The following AFF3 variants were observed in gnomAD, a reference collection of about 807,000 sequenced individuals.
AFF3 encodes AF4/FMR2 family member 3.
Under a neutral mutation model 129.7 loss-of-function variants are expected in AFF3, and 32 were observed. The observed-to-expected ratio is 0.25, with a 90% CI of 0.19 to 0.33. The LOEUF (loss-of-function observed/expected upper bound fraction) is 0.33. Ranked by LOEUF, AFF3 falls within the 10% of genes least tolerant of loss-of-function variation. The pLI, the probability that AFF3 is intolerant of heterozygous loss-of-function variation, is 1.00. For missense variants in AFF3, 1,373 were observed against 1,592.0 expected, an observed-to-expected ratio of 0.86 and a Z score of 2.34; for synonymous variants, 644 against 635.4, an observed-to-expected ratio of 1.01 and a Z score of -0.20.
intron 4 of AFF3, among the ~76,000 whole-genome samples, chr2:100,064,730 C>G (rs151074844): frequency 6.6e-6 from 1 of 152,224 alleles, no homozygotes; most frequent in African/African-American, 2.4e-5. Flanking sequence ...AAAAATACAT[C>G]GTCATGCAGC....
At chr2:99,762,226 G>A (rs1029551953) in intron 8 of AFF3, among the ~76,000 whole-genome samples, 16 of 150,956 alleles carry the variant, frequency 1.1e-4, no homozygotes, top group African/African-American at 3.4e-4. Context: ...CCCTGTTCAA[G>A]CGATTCTCCC....
At chr2:100,141,481 G>A (rs1039350029) in intron 1 of AFF3, among the ~76,000 whole-genome samples, 1 of 152,200 alleles carries the variant, frequency 6.6e-6, no homozygotes, top group Non-Finnish European at 1.5e-5. Context: ...AGGAACACAT[G>A]CTTTTAATAA....
At chr2:99,791,532 A>C (rs1415377169) in intron 8 of AFF3, among the ~76,000 whole-genome samples, 1 of 152,204 alleles carries the variant, frequency 6.6e-6, no homozygotes, top group Non-Finnish European at 1.5e-5. Context: ...TTAACCTGTG[A>C]ATGTGGAACC....
chr2:99,607,216 A>C (rs1680451644), intron 13 of AFF3, among the ~76,000 whole-genome samples: 1 of 152,064 alleles, frequency 6.6e-6, no homozygotes, highest in Non-Finnish European at 1.5e-5. Context: ...GCCTTGGCTA[A>C]GTCTGAATGC....
intron 12 of AFF3, among the ~76,000 whole-genome samples, chr2:99,652,905 A>G (rs1196644353): frequency 6.6e-6 from 1 of 152,186 alleles, no homozygotes; most frequent in Non-Finnish European, 1.5e-5. Flanking sequence ...CTTCTTGATA[A>G]GGAGAGCTGA....
intron 15 of AFF3, among the ~76,000 whole-genome samples, chr2:99,588,260 T>C (rs1339141529): frequency 6.6e-6 from 1 of 152,206 alleles, no homozygotes; most frequent in East Asian, 2.0e-4. Context: ...CACTGCAGCC[T>C]CGACCTCCCA....
At chr2:99,686,527 T>G (rs1187170438) in intron 11 of AFF3, among the ~76,000 whole-genome samples, 1 of 152,216 alleles carries the variant, frequency 6.6e-6, no homozygotes, top group Non-Finnish European at 1.5e-5. Context: ...GGATTAGTTG[T>G]GAGCCAGCCA....
At chr2:99,982,795 G>A (rs1679528517) in intron 7 of AFF3, among the ~76,000 whole-genome samples, 1 of 152,044 alleles carries the variant, frequency 6.6e-6, no homozygotes, top group Non-Finnish European at 1.5e-5. Flanking sequence ...AAGGAATTAT[G>A]ATTTAAAAAA....
chr2:99,593,776 G>A lies in AFF3; in HGVS notation c.1885C>T (p.Pro629Ser). The change falls in exon 15 of 25, where the codon CCC becomes TCC. Residue 629 changes from proline to serine, a missense_variant. This residue lies in a region of AFF3 where 466 missense variants were observed against 505.0 expected (regional missense o/e 0.92). Coordinates refer to ENST00000672756, the MANE Select transcript of AFF3 (RefSeq NM_001386135.1). ...TGGCTCGCTCTGTTGTTGCCACAGGGCCTGGTTTTGGTGGGCTCCGGGGGG... is the reference window on the plus strand; with the variant it reads ...TGGCTCGCTCTGTTGTTGCCACAGGACCTGGTTTTGGTGGGCTCCGGGGGG... ...VVPPEPTKTR[P>S]CGNNRASHRK... 1 of 1,612,430 alleles carries A rather than the reference G, an allele frequency of 6.2e-7. No individual in the cohort carries two copies. Among genetic ancestry groups the A allele is most frequent in the Non-Finnish European group, 8.5e-7 (1 of 1,179,902 alleles).
chr2:99,948,634 C>A (rs1168195030), intron 7 of AFF3, among the ~76,000 whole-genome samples: 1 of 152,162 alleles, frequency 6.6e-6, no homozygotes, highest in Non-Finnish European at 1.5e-5. Context: ...AATCATCCTC[C>A]TTGCCTAATT....
chr2:99,847,245 G>A (rs1185949499), intron 7 of AFF3, among the ~76,000 whole-genome samples: 1 of 151,778 alleles, frequency 6.6e-6, no homozygotes, highest in Non-Finnish European at 1.5e-5. Context: ...GCGCTATCTT[G>A]GCTCACTGCA....
At chr2:99,769,573 G>T (rs1683299137) in intron 8 of AFF3, among the ~76,000 whole-genome samples, 1 of 152,112 alleles carries the variant, frequency 6.6e-6, no homozygotes, top group Non-Finnish European at 1.5e-5. Flanking sequence ...CCGGTGTTTG[G>T]GCACTGAATA....
intron 4 of AFF3, among the ~76,000 whole-genome samples, chr2:100,014,130 C>CG (rs1377281340): frequency 1.5e-4 from 22 of 151,376 alleles, no homozygotes; most frequent in Non-Finnish European, 2.2e-4. Context: ...TTGCTTGGAG[C>CG]ACTCGCTCCA....
chr2:99,605,065 T>A (rs1049134769), intron 13 of AFF3, among the ~76,000 whole-genome samples: 1 of 152,224 alleles, frequency 6.6e-6, no homozygotes, highest in African/African-American at 2.4e-5. Context: ...ATTCAACAGT[T>A]ACCATGCTGC....
chr2:99,572,574 C>T (rs530138004), intron 18 of AFF3: 24 of 455,266 alleles, frequency 5.3e-5, no homozygotes, highest in South Asian at 2.2e-4. Flanking sequence ...TTCCTCGGCG[C>T]GGCAGAAATT....
intron 4 of AFF3, among the ~76,000 whole-genome samples, chr2:100,021,849 G>C (rs1683625904): frequency 6.6e-6 from 1 of 151,994 alleles, no homozygotes; most frequent in Non-Finnish European, 1.5e-5. Context: ...TGGAAACTGT[G>C]GATATTAAAA....
In AFF3 at chr2:99,930,763, T is replaced by C. The variant is rs140361186; in HGVS notation, c.873+75869A>G. ...TTTAAAGCATCAGCCATTAATGGGC[T>C]AAGTTTACCACTGGGACCCAGAGAG... On this transcript the variant is annotated intron_variant, in intron 7 of 24. Coordinates refer to ENST00000672756, the MANE Select transcript of AFF3 (RefSeq NM_001386135.1). 3.4e-3 allele frequency among the ~76,000 whole-genome samples: 524 copies of C among 152,356 alleles called. 2 individuals are homozygous for C. The highest frequency in any genetic ancestry group is 6.0e-3 in the Non-Finnish European group (405 of 68,040).
At chr2:100,105,350 G>GA in intron 3 of AFF3, 154 bp downstream of exon 3, 1 of 1,239,026 alleles carries the variant, frequency 8.1e-7, no homozygotes, top group Non-Finnish European at 1.0e-6. Context: ...AAGGTCTCTG[G>GA]AGCCCGCAAG....
chr2:99,866,988 T>C (rs995326358), intron 7 of AFF3, among the ~76,000 whole-genome samples: 5 of 106,718 alleles, frequency 4.7e-5, no homozygotes, highest in African/African-American at 7.1e-5. Flanking sequence ...ATAATAATAA[T>C]AATAATAATA....
Sources: gnomAD v4.1 joint callset for allele counts (sites outside exome capture counted in the v4.1 genomes callset) on GRCh38, gnomAD v4.1.1 for gene constraint, gnomAD v4.1.1 regional missense constraint, MANE v1.5 for transcripts, NCBI Gene and HGNC (gene_info 2026-07-23, HGNC 2026-07-21) for gene names.